The following PCDH15 variants were observed in gnomAD, a reference collection of about 807,000 sequenced individuals.
The protein encoded by PCDH15 is protocadherin related 15.
In PCDH15, 129 loss-of-function variants were observed where a neutral mutation model predicts 178.5. The observed-to-expected ratio is 0.72, with a 90% confidence interval of 0.63 to 0.84. PCDH15 has a LOEUF of 0.84. Among genes scored for constraint, PCDH15 ranks in the 40% least tolerant of loss-of-function variants. The pLI is 0.00. For synonymous variants in PCDH15, 800 were observed against 732.0 expected (o/e 1.09, Z -1.50); for missense variants, 2,230 against 2,099.9 (o/e 1.06, Z -1.21).
At chr10:54,371,557 G>GA (rs979156435) in intron 4 of PCDH15, among the ~76,000 whole-genome samples, 3 of 151,822 alleles carry the variant, frequency 2.0e-5, no homozygotes, top group African/African-American at 7.2e-5. Flanking sequence ...GCAGAAATAA[G>GA]AAAAATAGTT....
chr10:54,727,479 G>A (rs111437445), intron 1 of PCDH15, among the ~76,000 whole-genome samples: 22 of 148,890 alleles, frequency 1.5e-4, no homozygotes, highest in African/African-American at 4.7e-4. Context: ...AGCACTAACT[G>A]CCCACATCAA....
intron 26 of PCDH15, among the ~76,000 whole-genome samples, chr10:53,889,890 T>G (rs2081432185): frequency 6.6e-6 from 1 of 152,120 alleles, no homozygotes; most frequent in South Asian, 2.1e-4. Context: ...AAAAATACAA[T>G]TTTCCTAAGT....
chr10:55,368,720 A>G (rs1289893687), intron 2 of PCDH15, among the ~76,000 whole-genome samples: 1 of 152,152 alleles, frequency 6.6e-6, no homozygotes, highest in Non-Finnish European at 1.5e-5. Flanking sequence ...CCTTTAAGTA[A>G]GTATAATGTA....
chr10:55,026,370 T>C (rs886700793), intron 2 of PCDH15, among the ~76,000 whole-genome samples: 1 of 152,046 alleles, frequency 6.6e-6, no homozygotes, highest in Non-Finnish European at 1.5e-5. Flanking sequence ...TAACATTATG[T>C]ATATAATATT....
intron 2 of PCDH15, among the ~76,000 whole-genome samples, chr10:54,978,965 A>G (rs1327781172): frequency 6.6e-6 from 1 of 152,200 alleles, no homozygotes; most frequent in Admixed American, 6.5e-5. Flanking sequence ...AAAGAAAATT[A>G]CTTTCCTTCC....
chr10:54,149,349 G>A (rs556606137), intron 14 of PCDH15, among the ~76,000 whole-genome samples: 2 of 152,238 alleles, frequency 1.3e-5, no homozygotes, highest in Admixed American at 1.3e-4. Flanking sequence ...ATGGTAGTAT[G>A]TAATAAATGG....
intron 2 of PCDH15, among the ~76,000 whole-genome samples, chr10:55,444,411 C>T (rs1839269603): frequency 6.6e-6 from 1 of 151,868 alleles, no homozygotes; most frequent in Admixed American, 6.6e-5. Context: ...CTGCTCATCT[C>T]CTAAAAATTA....
At chr10:53,915,623 G>A (rs997054142) in intron 25 of PCDH15, among the ~76,000 whole-genome samples, 3 of 151,968 alleles carry the variant, frequency 2.0e-5, no homozygotes, top group African/African-American at 4.8e-5. Context: ...GCAGTGGCAC[G>A]ATCTTGGCTC....
At chr10:54,462,600 T>C (rs1388269992) in intron 3 of PCDH15, among the ~76,000 whole-genome samples, 1 of 139,660 alleles carries the variant, frequency 7.2e-6, no homozygotes, top group Non-Finnish European at 1.5e-5. Context: ...CTGCAAACTC[T>C]GCCTCCCAGG....
intron 2 of PCDH15, among the ~76,000 whole-genome samples, chr10:55,341,948 C>A (rs1407717609): frequency 3.4e-5 from 5 of 148,836 alleles, no homozygotes; most frequent in African/African-American, 1.2e-4. Context: ...TTCCCGGACA[C>A]AACTTTTTTT....
chr10:54,070,201 TTTTG>T (rs568427867), intron 17 of PCDH15, among the ~76,000 whole-genome samples: 269 of 152,242 alleles, frequency 1.8e-3, no homozygotes, highest in African/African-American at 6.1e-3. Flanking sequence ...ATATTTCTGT[TTTTG>T]TTTGTTTGTT....
chr10:54,903,109 A>C (rs1407596679), intron 2 of PCDH15, among the ~76,000 whole-genome samples: 1 of 152,154 alleles, frequency 6.6e-6, no homozygotes, highest in East Asian at 1.9e-4. Flanking sequence ...CAAATGCAGA[A>C]AAGAGTGTCC....
rs933970417 is a variant in PCDH15 at position 54,924,659 on chromosome 10, C to T, written c.-79-27159G>A. Among the ~76,000 whole-genome samples the T allele has an allele frequency of 3.3e-5, 5 of 151,898 alleles. No homozygotes were observed. In the South Asian group the frequency reaches 1.0e-3, roughly 32 times the overall value. ...CATTCTGATTGGTGTAAGATGGTATCCCATTATAGTTTTGATTTGCATTTT... is the reference window on the plus strand; with the variant it reads ...CATTCTGATTGGTGTAAGATGGTATTCCATTATAGTTTTGATTTGCATTTT... On this transcript the variant is annotated intron_variant, in intron 2 of 5. Transcript: ENST00000458638.
At chr10:54,223,628 C>A (rs1287313063) in intron 9 of PCDH15, among the ~76,000 whole-genome samples, 1 of 150,752 alleles carries the variant, frequency 6.6e-6, no homozygotes, top group African/African-American at 2.4e-5. Context: ...TAGCATAATA[C>A]TTCTGATTCC....
intron 8 of PCDH15, among the ~76,000 whole-genome samples, chr10:54,257,403 C>CTTTTTTTT (rs71461225): frequency 1.2e-3 from 150 of 125,916 alleles, no homozygotes; most frequent in Non-Finnish European, 2.0e-3. Flanking sequence ...GAATTGTCTT[C>CTTTTTTTT]TTTTTTTTTT....
At chr10:55,198,705 G>A (rs1388132513) in intron 1 of PCDH15, among the ~76,000 whole-genome samples, 1 of 150,334 alleles carries the variant, frequency 6.7e-6, no homozygotes, top group African/African-American at 2.5e-5. Flanking sequence ...CCGTGGTCTC[G>A]ATCTCCTGAC....
intron 2 of PCDH15, among the ~76,000 whole-genome samples, chr10:55,025,206 A>C (rs867982209): frequency 6.6e-6 from 1 of 152,188 alleles, no homozygotes; most frequent in Non-Finnish European, 1.5e-5. Flanking sequence ...GCAACAAAGA[A>C]AGAGAGATTG....
At chr10:55,226,875 A>G (rs1304738799) in intron 1 of PCDH15, among the ~76,000 whole-genome samples, 1 of 152,060 alleles carries the variant, frequency 6.6e-6, no homozygotes, top group Non-Finnish European at 1.5e-5. Context: ...AAACAGAAAT[A>G]TAAGTTACTG....
chr10:55,130,311 G>C (rs1838006490), intron 2 of PCDH15, among the ~76,000 whole-genome samples: 1 of 152,106 alleles, frequency 6.6e-6, no homozygotes, highest in Admixed American at 6.5e-5. Flanking sequence ...ATCTGGGGAG[G>C]AAGAGTCAAG....
Sources: allele counts gnomAD v4.1 joint callset (sites outside exome capture counted in the v4.1 genomes callset), GRCh38; gene constraint gnomAD v4.1.1; transcripts MANE v1.5; gene names NCBI Gene and HGNC (gene_info 2026-07-23, HGNC 2026-07-21).